Variants in NDE1 observed in about 807,000 individuals in gnomAD.
NDE1 encodes nuclear distribution protein nudE homolog 1.
Under a neutral mutation model 43.4 loss-of-function variants are expected in NDE1, and 28 were observed. That is an observed-to-expected ratio of 0.65 (90% CI 0.48 to 0.89). The LOEUF is 0.89. NDE1 is among the 40% of genes least tolerant of loss of function. NDE1 has a pLI of 0.00. For missense variants in NDE1, 441 were observed against 434.1 expected, an observed-to-expected ratio of 1.02 and a Z score of -0.14; for synonymous variants, 184 against 172.0, an observed-to-expected ratio of 1.07 and a Z score of -0.55.
Position 15,688,801 on chromosome 16 carries a change from G to A in NDE1, c.523+1290G>A, listed in dbSNP as rs1212557242. Among the ~76,000 whole-genome samples, 8 of 137,974 alleles carry A rather than the reference G, an allele frequency of 5.8e-5. No individual in the cohort carries two copies. The East Asian group carries it at 1.3e-3, about 22-fold the overall frequency. The allele number at this position is 137,974 out of a possible 152,430, so 90.5% of individuals were successfully genotyped here. Reference sequence around the variant, plus strand: ...GCAACCTCTGCCTCCCAGGTTCAGCGATTCCCCTGCTTCAGCCTCCTGAGT... The same window carrying A: ...GCAACCTCTGCCTCCCAGGTTCAGCAATTCCCCTGCTTCAGCCTCCTGAGT... On this transcript the variant is annotated intron_variant, in intron 5 of 8. Transcript: ENST00000396354.
At chr16:15,715,292 CAGGTGGTTTCAGCGGA>C in intron 8 of NDE1, 1 of 1,613,424 alleles carries the variant, frequency 6.2e-7, no homozygotes, top group Non-Finnish European at 8.5e-7. Flanking sequence ...GCAAGGAAAA[CAGGTGGTTTCAGCGGA>C]GGGTGGCACC....
chr16:15,650,545 C>T (rs1398654743), intron 1 of NDE1, among the ~76,000 whole-genome samples: 4 of 152,234 alleles, frequency 2.6e-5, no homozygotes, highest in African/African-American at 4.8e-5. Context: ...GCCACCGGTG[C>T]GTTCCTCGCG....
intron 8 of NDE1, chr16:15,718,364 T>G (rs1353357594): frequency 1.2e-6 from 2 of 1,602,854 alleles, no homozygotes; most frequent in Non-Finnish European, 1.7e-6. Context: ...CATGTTGCCC[T>G]GCTCCTCCTC....
At chr16:15,693,872 G>A (rs1212733308) in intron 6 of NDE1, among the ~76,000 whole-genome samples, 13 of 152,154 alleles carry the variant, frequency 8.5e-5, no homozygotes, top group Non-Finnish European at 1.6e-4. Flanking sequence ...CCTGGGAGGC[G>A]GAGGTTGCAG....
rs2038495678 is a variant in NDE1 at position 15,687,411 on chromosome 16, C to T, written c.423C>T (p.Arg141=). 5.0e-6 allele frequency: 8 copies of T among 1,614,080 alleles called. No individual in the cohort carries two copies. The highest frequency in any genetic ancestry group is 1.3e-5 in the African/African-American group (1 of 74,924). Residue 141 remains arginine, a synonymous_variant, in exon 5 of 9, where the codon CGC becomes CGT. Transcript: ENST00000396354. ...TGTCTCTCGAAGACTTTGAGCAGCG[C>T]TTGAATCAGGCCATCGAAAGAAATG... ...TIMSLEDFEQ[R]LNQAIERNAF... is the part of the protein sequence containing the mutation.
chr16:15,718,410 G>A lies in NDE1; in HGVS notation c.948-5781G>A. 6.3e-7 allele frequency: 1 copy of A among 1,588,660 alleles called. No individual in the cohort carries two copies. The highest frequency in any genetic ancestry group is 8.6e-7 in the Non-Finnish European group (1 of 1,168,790). On this transcript the variant is annotated intron_variant, in intron 8 of 8. Transcript: ENST00000396354. ...TCCAGCTGGGCGATCCGGGCCTCCA[G>A]GCGGCGCTTCTCGTCCTGGAGTGCG...
chr16:15,718,353 C>G lies in NDE1; in HGVS notation c.948-5838C>G, dbSNP rs2040280173. 1 of 1,608,912 alleles carries G rather than the reference C, an allele frequency of 6.2e-7. No homozygotes were observed. Among genetic ancestry groups the G allele is most frequent in the Admixed American group, 1.7e-5 (1 of 59,960 alleles). On this transcript the variant is annotated intron_variant, in intron 8 of 8. Coordinates refer to ENST00000396354, the MANE Select transcript of NDE1 (RefSeq NM_017668.3). ...TTGCGGACCCGGTCGCTCATGGCCT[C>G]CATGTTGCCCTGCTCCTCCTCCAGC...
intron 1 of NDE1, among the ~76,000 whole-genome samples, chr16:15,660,648 C>G (rs1382817853): frequency 6.6e-6 from 1 of 152,126 alleles, no homozygotes; most frequent in Non-Finnish European, 1.5e-5. Flanking sequence ...CTCCTGCACT[C>G]AGTTCTTCGT....
At chr16:15,720,515 C>G (rs1448393853) in intron 8 of NDE1, among the ~76,000 whole-genome samples, 5 of 151,130 alleles carry the variant, frequency 3.3e-5, no homozygotes, top group African/African-American at 1.2e-4. Flanking sequence ...GGGAGGCCAA[C>G]AGGAGAATGG....
intron 8 of NDE1, chr16:15,708,815 T>G: frequency 6.2e-7 from 1 of 1,608,986 alleles, no homozygotes; most frequent in South Asian, 1.1e-5. Flanking sequence ...GGTGCATCAC[T>G]GCGAAGTTTC....
At chr16:15,673,217 T>C (rs1187110147) in intron 3 of NDE1, among the ~76,000 whole-genome samples, 2 of 151,962 alleles carry the variant, frequency 1.3e-5, no homozygotes, top group African/African-American at 4.8e-5. Context: ...GTGTTTTCGG[T>C]TTTGATTTTT....
At chr16:15,656,124 TATA>T (rs1228671038) in intron 1 of NDE1, among the ~76,000 whole-genome samples, 2 of 151,972 alleles carry the variant, frequency 1.3e-5, no homozygotes, top group East Asian at 1.9e-4. Flanking sequence ...AAACTTAAAG[TATA>T]ATAATAATAA....
At chr16:15,672,598 G>T (rs936519295) in intron 3 of NDE1, 1 of 152,158 alleles carries the variant, frequency 6.6e-6, no homozygotes, top group African/African-American at 2.4e-5. Flanking sequence ...ACCAAACAGA[G>T]CATCTATTGA....
intron 8 of NDE1, among the ~76,000 whole-genome samples, chr16:15,720,587 G>GAA (rs79015002): frequency 2.4e-4 from 33 of 138,802 alleles, no homozygotes; most frequent in East Asian, 4.1e-4. Context: ...TGTCTCCACT[G>GAA]AAAAAAAAAA....
rs1215665017 is a variant in NDE1, at chr16:15,664,759, T to C, written c.-20T>C. The C allele has an allele frequency of 6.4e-7, 1 of 1,574,756 alleles. No individual in the cohort carries two copies. The highest frequency in any genetic ancestry group is 8.7e-7 in the Non-Finnish European group (1 of 1,144,446). On this transcript the variant is annotated 5_prime_UTR_variant, in exon 2 of 9. Coordinates refer to ENST00000396354, the MANE Select transcript of NDE1 (RefSeq NM_017668.3). ...AGACACCATGCCACAAGGAGAGTGA[T>C]CTCTTCCCCTGTTTTCACAATGGAG...
chr16:15,721,723 C>A, intron 8 of NDE1: 2 of 1,381,286 alleles, frequency 1.4e-6, no homozygotes, highest in South Asian at 1.2e-5. Flanking sequence ...CTGTGTCCTG[C>A]TGAATGTATT....
chr16:15,676,559 C>G (rs75772022), intron 3 of NDE1, among the ~76,000 whole-genome samples: 1,893 of 152,142 alleles, frequency 0.012, 22 homozygotes, highest in Non-Finnish European at 0.021. Context: ...TTCCTTTTTT[C>G]TCCATGTCAC....
intron 1 of NDE1, among the ~76,000 whole-genome samples, chr16:15,656,938 G>T (rs1457696739): frequency 6.6e-6 from 1 of 151,992 alleles, no homozygotes; most frequent in Admixed American, 6.6e-5. Flanking sequence ...ACTATGCAGG[G>T]GCCTGATCAC....
intron 4 of NDE1, among the ~76,000 whole-genome samples, chr16:15,680,300 G>A (rs895496547): frequency 6.6e-6 from 1 of 152,042 alleles, no homozygotes; most frequent in African/African-American, 2.4e-5. Context: ...ATGTGGGGGG[G>A]CCCACGGTGA....
Sources: allele counts gnomAD v4.1 joint callset (sites outside exome capture counted in the v4.1 genomes callset), GRCh38; gene constraint gnomAD v4.1.1; transcripts MANE v1.5; gene names NCBI Gene and HGNC (gene_info 2026-07-23, HGNC 2026-07-21).